SLC25A21: variants seen among roughly 807,000 people sequenced by gnomAD.
The protein encoded by SLC25A21 is solute carrier family 25 member 21.
In SLC25A21, 47 loss-of-function variants were observed where a neutral mutation model predicts 43.8. The ratio of observed to expected loss-of-function variants is 1.07; its 90% CI spans 0.85 to 1.37. SLC25A21 has a LOEUF of 1.37. Ranked by LOEUF, SLC25A21 falls within the 40% of genes most tolerant of loss-of-function variation. SLC25A21 has a pLI of 0.00. For missense variants in SLC25A21, 352 were observed against 350.2 expected (o/e 1.00, Z -0.04); for synonymous variants, 131 against 121.3 (o/e 1.08, Z -0.52).
At chr14:37,164,479 T>C (rs1388852081) in intron 1 of SLC25A21, among the ~76,000 whole-genome samples, 1 of 152,156 alleles carries the variant, frequency 6.6e-6, no homozygotes, top group South Asian at 2.1e-4. Flanking sequence ...AAATCCTGAA[T>C]TTCCAAAGGT....
intron 1 of SLC25A21, among the ~76,000 whole-genome samples, chr14:37,116,782 T>C (rs557812852): frequency 2.0e-5 from 3 of 152,188 alleles, no homozygotes; most frequent in Admixed American, 6.5e-5. Flanking sequence ...CCAAAGAAAA[T>C]CCCACTGTCA....
At chr14:36,757,188 G>A (rs1051280451) in intron 3 of SLC25A21, among the ~76,000 whole-genome samples, 1 of 152,064 alleles carries the variant, frequency 6.6e-6, no homozygotes, top group East Asian at 1.9e-4. Context: ...AGCCTGGGAG[G>A]CAGAGATTGC....
intron 7 of SLC25A21, among the ~76,000 whole-genome samples, chr14:36,707,517 G>A (rs1007500798): frequency 1.1e-4 from 17 of 152,174 alleles, no homozygotes; most frequent in Non-Finnish European, 1.8e-4. Flanking sequence ...TCATTAAATC[G>A]GGGTCCTGAT....
intron 1 of SLC25A21, among the ~76,000 whole-genome samples, chr14:37,014,556 T>C (rs1353458822): frequency 6.6e-6 from 1 of 152,132 alleles, no homozygotes; most frequent in Non-Finnish European, 1.5e-5. Flanking sequence ...CTCAAAGTCT[T>C]CTATGAGAAT....
chr14:36,716,169 T>A (rs1001126326), intron 6 of SLC25A21, among the ~76,000 whole-genome samples: 4 of 152,104 alleles, frequency 2.6e-5, no homozygotes, highest in African/African-American at 9.7e-5. Flanking sequence ...AAATATCATA[T>A]GATCACTTAT....
chr14:37,080,876 TGGCAG>T (rs1456372591), intron 1 of SLC25A21, among the ~76,000 whole-genome samples: 1 of 152,146 alleles, frequency 6.6e-6, no homozygotes, highest in African/African-American at 2.4e-5. Context: ...AACAGGACGG[TGGCAG>T]GGTCAACTTC....
At chr14:36,735,756 T>C in intron 3 of SLC25A21, among the ~76,000 whole-genome samples, 1 of 151,686 alleles carries the variant, frequency 6.6e-6, no homozygotes, top group East Asian at 1.9e-4. Context: ...CTCAATTCAC[T>C]GGCTTACATA....
At chr14:36,797,490 T>C (rs1887715358) in intron 3 of SLC25A21, among the ~76,000 whole-genome samples, 1 of 152,216 alleles carries the variant, frequency 6.6e-6, no homozygotes, top group Non-Finnish European at 1.5e-5. Context: ...AGAGCTCTTC[T>C]TACATGTAAG....
chr14:36,906,098 A>C lies in SLC25A21; in HGVS notation c.71-31094T>G, dbSNP rs1891526952. ...TATAAAAGGTACTATTTGGGAGGTG[A>C]AACTAATACTTATTCTCCTATGATT... On this transcript the variant is annotated intron_variant, in intron 1 of 9. Transcript: ENST00000331299. Among the ~76,000 whole-genome samples the C allele has an allele frequency of 7.9e-5, 12 of 152,304 alleles. No homozygotes were observed. In the South Asian group the frequency reaches 2.5e-3, roughly 32 times the overall value.
chr14:36,887,024 A>C (rs1890936518), intron 1 of SLC25A21, among the ~76,000 whole-genome samples: 1 of 152,158 alleles, frequency 6.6e-6, no homozygotes, highest in East Asian at 1.9e-4. Flanking sequence ...GGCAGAAGGA[A>C]AAATTCTTTT....
chr14:36,793,862 C>T (rs1887578119), intron 3 of SLC25A21, among the ~76,000 whole-genome samples: 2 of 148,432 alleles, frequency 1.3e-5, no homozygotes, highest in African/African-American at 5.0e-5. Context: ...AATGAAACTT[C>T]GTCAACTCAC....
chr14:36,785,880 T>A (rs1438456273), intron 3 of SLC25A21, among the ~76,000 whole-genome samples: 1 of 152,206 alleles, frequency 6.6e-6, no homozygotes, highest in African/African-American at 2.4e-5. Flanking sequence ...GGGGGACTCT[T>A]ACAAGTCAAG....
intron 1 of SLC25A21, among the ~76,000 whole-genome samples, chr14:36,893,095 C>T (rs1201231868): frequency 6.6e-6 from 1 of 152,152 alleles, no homozygotes. Flanking sequence ...AATGGTATTT[C>T]TAGTTCCAGA....
chr14:36,973,197 A>G (rs1213752442), intron 1 of SLC25A21, among the ~76,000 whole-genome samples: 4 of 152,078 alleles, frequency 2.6e-5, no homozygotes, highest in Admixed American at 1.3e-4. Context: ...CATTTTAGAA[A>G]AATCTGGCAG....
intron 1 of SLC25A21, among the ~76,000 whole-genome samples, chr14:37,079,466 GCCT>G (rs1962344992): frequency 6.6e-6 from 1 of 152,058 alleles, no homozygotes; most frequent in Admixed American, 6.6e-5. Flanking sequence ...CTGTCAATCT[GCCT>G]CCTCATTATC....
At chr14:37,043,732 T>C (rs1282793092) in intron 1 of SLC25A21, among the ~76,000 whole-genome samples, 1 of 151,808 alleles carries the variant, frequency 6.6e-6, no homozygotes, top group Non-Finnish European at 1.5e-5. Flanking sequence ...ACTTCTCCCA[T>C]TCTTTTTTTG....
intron 1 of SLC25A21, among the ~76,000 whole-genome samples, chr14:37,000,053 C>G (rs968512517): frequency 2.0e-5 from 3 of 152,160 alleles, no homozygotes; most frequent in Admixed American, 2.0e-4. Context: ...AATCTTTGAT[C>G]TCTCCTACCA....
intron 1 of SLC25A21, among the ~76,000 whole-genome samples, chr14:37,067,837 A>G (rs1962092312): frequency 6.6e-6 from 1 of 152,246 alleles, no homozygotes. Flanking sequence ...TGTATATTAT[A>G]AAATGTGCAC....
At chr14:37,057,882 T>C (rs981729047) in intron 1 of SLC25A21, among the ~76,000 whole-genome samples, 3 of 152,172 alleles carry the variant, frequency 2.0e-5, no homozygotes, top group Admixed American at 6.6e-5. Context: ...AGAACACAAA[T>C]ACTGACATGG....
Sources: allele counts gnomAD v4.1 joint callset (sites outside exome capture counted in the v4.1 genomes callset), GRCh38; gene constraint gnomAD v4.1.1; transcripts MANE v1.5; gene names NCBI Gene and HGNC (gene_info 2026-07-23, HGNC 2026-07-21).